PON1: variants seen among roughly 807,000 people sequenced by gnomAD.
PON1 encodes paraoxonase 1, also known as serum paraoxonase/arylesterase 1.
A neutral mutation model predicts 39.2 loss-of-function variants in PON1; 37 were observed. The observed-to-expected ratio is 0.94, with a 90% confidence interval of 0.73 to 1.24. The LOEUF is 1.24. Ranked by LOEUF, PON1 falls within the 50% of genes most tolerant of loss-of-function variation. The pLI is 0.00. For synonymous variants in PON1, 148 were observed against 152.2 expected, an observed-to-expected ratio of 0.97 and a Z score of 0.21; for missense variants, 397 against 413.5, an observed-to-expected ratio of 0.96 and a Z score of 0.35.
At chr7:95,322,365 T>C (rs1451854552) in intron 1 of PON1, among the ~76,000 whole-genome samples, 1 of 150,598 alleles carries the variant, frequency 6.6e-6, no homozygotes, top group African/African-American at 2.4e-5. Flanking sequence ...TATATATATA[T>C]ATGCTGTAAT....
chr7:95,321,231 C>T (rs1293946163), intron 1 of PON1, among the ~76,000 whole-genome samples: 1 of 152,162 alleles, frequency 6.6e-6, no homozygotes, highest in African/African-American at 2.4e-5. Context: ...CTTCATGACC[C>T]AAACACCTCC....
intron 1 of PON1, 91 bp downstream of exon 1, chr7:95,324,311 T>C: frequency 3.3e-6 from 4 of 1,208,208 alleles, no homozygotes; most frequent in Non-Finnish European, 4.9e-6. Context: ...AATGTTCTGT[T>C]AACAGCCTGG....
At chr7:95,315,994 T>C (rs1807760170) in intron 3 of PON1, among the ~76,000 whole-genome samples, 1 of 152,242 alleles carries the variant, frequency 6.6e-6, no homozygotes, top group Non-Finnish European at 1.5e-5. Flanking sequence ...TATAAGATTT[T>C]GCTTGAAATA....
At chr7:95,300,137 G>A (rs1299404141) in intron 8 of PON1, among the ~76,000 whole-genome samples, 1 of 152,160 alleles carries the variant, frequency 6.6e-6, no homozygotes, top group Non-Finnish European at 1.5e-5. Context: ...TAACAGTGTA[G>A]TATCATGTTA....
rs1807968631 is a variant in PON1 at position 95,324,436 on chromosome 7, GT to G, written c.39del (p.Leu14TrpfsTer24). ...KLIALTLLGM[G>X]LALFRNHQSS... The stretch of plus-strand genomic sequence containing the variant: ...GACTGGTGGTTCCTGAAGAGTGCCA[GT>G]CCCATCCCCAAGAGGGTGAGCGCAA... On this transcript the variant is annotated frameshift_variant, in exon 1 of 9. Transcript: ENST00000222381. LOFTEE classifies it high-confidence loss of function. 1 of 1,614,192 alleles carries G rather than the reference GT, an allele frequency of 6.2e-7. No homozygotes were observed. The highest frequency in any genetic ancestry group is 8.5e-7 in the Non-Finnish European group (1 of 1,180,032).
intron 1 of PON1, 69 bp from the exon 2 acceptor site, chr7:95,318,462 C>A: frequency 7.1e-7 from 1 of 1,416,108 alleles, no homozygotes; most frequent in Non-Finnish European, 9.9e-7. Flanking sequence ...CAAAGGTAGG[C>A]AGTCCACAAA....
chr7:95,308,646 G>A (rs1459492943), intron 5 of PON1, among the ~76,000 whole-genome samples: 1 of 152,120 alleles, frequency 6.6e-6, no homozygotes, highest in African/African-American at 2.4e-5. Flanking sequence ...TTGAAAAAAT[G>A]CTGAACCAGC....
intron 5 of PON1, among the ~76,000 whole-genome samples, chr7:95,310,731 G>A (rs915855192): frequency 6.6e-6 from 1 of 152,204 alleles, no homozygotes; most frequent in Admixed American, 6.5e-5. Flanking sequence ...GTCAAATGCT[G>A]TACATAAATT....
rs549521769 is a variant in PON1 at position 95,318,348 on chromosome 7, A to C, written c.120T>G (p.Pro40=). The C allele has an allele frequency of 1.2e-6, 2 of 1,610,208 alleles. No individual in the cohort carries two copies. The highest frequency in any genetic ancestry group is 2.2e-5 in the South Asian group (2 of 91,014). The part of the protein sequence containing the change: ...ALREVQPVEL[P]NCNLVKGIET... ...CGATTCCTTTAACTAAATTACAGTT[A>C]GGAAGTTCTACGGGTTGTACCTCTC... Residue 40 remains proline, a synonymous_variant, in exon 2 of 9, where the codon CCT becomes CCG. Coordinates refer to ENST00000222381, the MANE Select transcript of PON1 (RefSeq NM_000446.7).
Position 95,312,310 on chromosome 7 carries a change from C to T in PON1, c.371-733G>A, listed in dbSNP as rs3917519. ...CCAGGTTCAAGCGATTCTCCTGCCT[C>T]AGCCTCCCAAGTAGCTGGGATTACA... On this transcript the variant is annotated intron_variant, in intron 4 of 8. Transcript: ENST00000222381. Among the ~76,000 whole-genome samples, 808 of 152,328 alleles carry T rather than the reference C, an allele frequency of 5.3e-3. 8 individuals carry two copies. Among genetic ancestry groups the T allele is most frequent in the African/African-American group, 0.019 (774 of 41,570 alleles).
intron 1 of PON1, among the ~76,000 whole-genome samples, chr7:95,322,568 A>G (rs1807922540): frequency 6.6e-6 from 1 of 152,170 alleles, no homozygotes; most frequent in Non-Finnish European, 1.5e-5. Context: ...GAGAGGCCCA[A>G]CGTTAGCTTT....
intron 6 of PON1, among the ~76,000 whole-genome samples, chr7:95,307,773 C>T (rs1445885541): frequency 6.6e-6 from 1 of 152,108 alleles, no homozygotes; most frequent in Non-Finnish European, 1.5e-5. Flanking sequence ...ATCACAGTTC[C>T]CCCTCTTAAA....
chr7:95,324,338 G>A, intron 1 of PON1, 64 bp downstream of exon 1: 4 of 1,500,404 alleles, frequency 2.7e-6, no homozygotes, highest in South Asian at 2.3e-5. Context: ...CTTTCTGGGG[G>A]CTCGTGGAGC....
chr7:95,301,923 TAA>T (rs10638749), intron 8 of PON1, among the ~76,000 whole-genome samples: 1 of 135,592 alleles, frequency 7.4e-6, no homozygotes, highest in Non-Finnish European at 1.6e-5. Flanking sequence ...CTGTCTCTAC[TAA>T]AAAAAAAAAA....
At position 95,308,334 on chromosome 7, in the gene PON1, G is replaced by C. The variant is rs3917540; in HGVS notation, c.498-123C>G. 316 of 860,044 alleles carry C rather than the reference G, an allele frequency of 3.7e-4. 2 individuals are homozygous for C. In the African/African-American group the frequency reaches 4.5e-3, roughly 12 times the overall value. 53.3% of individuals were successfully genotyped at this position (860,044 alleles called of 1,614,324 possible). A position where few individuals can be genotyped will look rare whatever the true frequency, so the allele number is the denominator to read the frequency against. ...GATGTGGGATGGAGCCTTCGTGCTA[G>C]CTATAATGGAACACAATTAATATGA... On this transcript the variant is annotated intron_variant, in intron 5 of 8. Coordinates refer to ENST00000222381, the MANE Select transcript of PON1 (RefSeq NM_000446.7).
chr7:95,316,224 C>T (rs1807766162), intron 3 of PON1, among the ~76,000 whole-genome samples: 3 of 152,210 alleles, frequency 2.0e-5, no homozygotes, highest in Non-Finnish European at 2.9e-5. Flanking sequence ...GCTACCATAG[C>T]GATCTATATG....
At chr7:95,304,935 C>T (rs1291784837) in intron 7 of PON1, among the ~76,000 whole-genome samples, 1 of 152,146 alleles carries the variant, frequency 6.6e-6, no homozygotes, top group Non-Finnish European at 1.5e-5. Context: ...ATGTCTGTTA[C>T]ATTGGGTTCT....
rs760475832 is a variant in PON1 at position 95,315,500 on chromosome 7, C to T, written c.202-10G>A. On this transcript the variant is annotated splice_polypyrimidine_tract_variant and intron_variant, in intron 3 of 8. Transcript: ENST00000222381. ...CAGGATACTTTAATCCCTTATAAAC[C>T]ATGGAGGAGAAAAATCAAGCACAAT... is the stretch of plus-strand genomic sequence containing the variant. 9.3e-6 allele frequency: 15 copies of T among 1,613,148 alleles called. No individual in the cohort carries two copies. The South Asian group carries it at 1.5e-4, about 17-fold the overall frequency.
At chr7:95,312,370 TTTTAGTAGAGATGGGGTTTC>T (rs1379880068) in intron 4 of PON1, among the ~76,000 whole-genome samples, 9 of 152,264 alleles carry the variant, frequency 5.9e-5, no homozygotes, top group African/African-American at 1.9e-4. Flanking sequence ...ATTTTTGTGT[TTTTAGTAGAGATGGGGTTTC>T]ACCATGTTAA....
Sources: allele counts gnomAD v4.1 joint callset (sites outside exome capture counted in the v4.1 genomes callset), GRCh38; gene constraint gnomAD v4.1.1; transcripts MANE v1.5; gene names NCBI Gene and HGNC (gene_info 2026-07-23, HGNC 2026-07-21).